The following OR5M1 variants were observed in gnomAD, a reference collection of about 807,000 sequenced individuals.
The protein encoded by OR5M1 is olfactory receptor family 5 subfamily M member 1, also known as olfactory receptor 5M1.
For synonymous variants in OR5M1, 165 were observed against 144.2 expected (o/e 1.14, Z -1.04); for missense variants, 367 against 379.5 (o/e 0.97, Z 0.27).
In OR5M1 at chr11:56,613,431, C is replaced by G. The variant is rs1853708100; in HGVS notation, c.72G>C (p.Glu24Asp). 6.2e-7 allele frequency: 1 copy of G among 1,613,652 alleles called. No homozygotes were observed. The highest frequency in any genetic ancestry group is 2.2e-5 in the East Asian group (1 of 44,872). The change falls in exon 2 of 2, where the codon GAG (glutamate) becomes GAC (aspartate). Residue 24 changes from glutamate to aspartate, a missense_variant. Transcript: ENST00000641076. ...CAAGGAATACCCCAAACAGGATCTT[C>G]TCTAGCACTGGGTCGTCTGTCAGTC... Reference protein sequence around the residue: ...LLGLTDDPVLEKILFGVFLAI... With the variant: ...LLGLTDDPVLDKILFGVFLAI...
Position 56,613,528 on chromosome 11 carries a change from G to A in OR5M1, c.-17-9C>T. 6.3e-7 allele frequency: 1 copy of A among 1,584,530 alleles called. No homozygotes were observed. Among genetic ancestry groups the A allele is most frequent in the South Asian group, 1.1e-5 (1 of 89,472 alleles). On this transcript the variant is annotated splice_polypyrimidine_tract_variant and intron_variant, in intron 1 of 1. Transcript: ENST00000641076. The stretch of plus-strand genomic sequence containing the variant: ...CTTCTTATCTCTTGAAACTGAAAGT[G>A]ACAAAGAATGTGAGGATTTCTCTCT...
rs757419543 is a variant in OR5M1 at position 56,613,436 on chromosome 11, G to A, written c.67C>T (p.Leu23=). The A allele has an allele frequency of 7.4e-6, 12 of 1,613,560 alleles. No homozygotes were observed. Among genetic ancestry groups the A allele is most frequent in the Non-Finnish European group, 9.3e-6 (11 of 1,179,668 alleles). ...ILLGLTDDPV[L]EKILFGVFLA... ...AATACCCCAAACAGGATCTTCTCTA[G>A]CACTGGGTCGTCTGTCAGTCCCAAG... is the stretch of plus-strand genomic sequence containing the variant. The change falls in exon 2 of 2, where the codon CTA becomes TTA. Residue 23 remains leucine, a synonymous_variant. Transcript: ENST00000641076.
At position 56,612,944 on chromosome 11, in the gene OR5M1, G is replaced by T. The variant is rs751716957; in HGVS notation, c.559C>A (p.Leu187Met). ...TTGACACGGGTGTCAGAGCAGGCCA[G>T]CATGATAAGAGGAGGATCAGCGCAG... ...FYCADPPLIMLACSDTRVKKM... is the reference protein window; with the variant it reads ...FYCADPPLIMMACSDTRVKKM... The change falls in exon 2 of 2, where the codon CTG (leucine) becomes ATG (methionine). Residue 187 changes from leucine (L) to methionine (M), a missense_variant. Physicochemically the swap from Leu to Met is conservative, Grantham distance 15. Transcript: ENST00000641076. The T allele has an allele frequency of 6.8e-6, 11 of 1,613,732 alleles. No homozygotes were observed. Among genetic ancestry groups the T allele is most frequent in the Non-Finnish European group, 9.3e-6 (11 of 1,179,786 alleles).
In OR5M1 at chr11:56,610,836, T is replaced by A. The variant is rs546382003; in HGVS notation, c.*1719A>T. On this transcript the variant is annotated 3_prime_UTR_variant, in exon 2 of 2. Transcript: ENST00000641076. ...TAAAAATCAATTAGAAACAGGTCAG[T>A]CATTTTGACTAAAAGGATGTCAAAG... 1 of 152,212 alleles carries A rather than the reference T, an allele frequency of 6.6e-6. No individual in the cohort carries two copies. The highest frequency in any genetic ancestry group is 1.5e-5 in the Non-Finnish European group (1 of 67,986). The allele number at this position is 152,212 out of a possible 1,614,324, so 9.4% of individuals were successfully genotyped here.
In OR5M1 at chr11:56,612,965, C is replaced by A. The variant is rs753527882; in HGVS notation, c.538G>T (p.Ala180Ser). The change falls in exon 2 of 2, where the codon GCT (alanine) becomes TCT (serine). Residue 180 changes from alanine (A) to serine (S), a missense_variant. Ala to Ser is a moderately conservative substitution (Grantham distance 99, BLOSUM62 1). Transcript: ENST00000641076. Reference protein sequence around the residue: ...GSLEINHFYCADPPLIMLACS... With the variant: ...GSLEINHFYCSDPPLIMLACS... ...GCCAGCATGATAAGAGGAGGATCAG[C>A]GCAGTAGAAATGATTGATTTCAAGG... is the stretch of plus-strand genomic sequence containing the variant. 7.4e-6 allele frequency: 12 copies of A among 1,613,512 alleles called. 1 individual carries two copies. The highest frequency in any genetic ancestry group is 1.7e-5 in the Admixed American group (1 of 59,924).
Position 56,612,725 on chromosome 11 carries a change from C to T in OR5M1, c.778G>A (p.Val260Ile), listed in dbSNP as rs375403564. ...ACAGACTTCTCTGATGGAGGCCTTA[C>T]GTACATGCAGAAGAGGGTTCCATAA... Reference protein sequence around the residue: ...LFYGTLFCMYVRPPSEKSVEE... With the variant: ...LFYGTLFCMYIRPPSEKSVEE... Residue 260 changes from valine (V) to isoleucine (I), a missense_variant, in exon 2 of 2, where the codon GTA becomes ATA. By Grantham distance (29) the Val-to-Ile change is conservative. Transcript: ENST00000641076. The T allele has an allele frequency of 2.9e-5, 47 of 1,613,742 alleles. No individual in the cohort carries two copies. In the Admixed American group the frequency reaches 3.0e-4, roughly 10 times the overall value.
At chr11:56,613,642 T>A in intron 1 of OR5M1, 123 bp from the exon 2 acceptor site, 1 of 773,590 alleles carries the variant, frequency 1.3e-6, no homozygotes, top group Non-Finnish European at 2.1e-6. Context: ...GTTTCAATAA[T>A]CACATCGGAA....
At position 56,610,918 on chromosome 11, in the gene OR5M1, T is replaced by G. The variant is rs1022596557; in HGVS notation, c.*1637A>C. 7.9e-5 allele frequency: 12 copies of G among 152,222 alleles called. No individual in the cohort carries two copies. The highest frequency in any genetic ancestry group is 2.9e-4 in the African/African-American group (12 of 41,556). 9.4% of individuals were successfully genotyped at this position (152,222 alleles called of 1,614,324 possible). ...TCTCATAACTAGAAAATAAATGGAA[T>G]CGTACAGTTATTTAGGCCAAATATA... On this transcript the variant is annotated 3_prime_UTR_variant, in exon 2 of 2. Coordinates refer to ENST00000641076, the MANE Select transcript of OR5M1 (RefSeq NM_001004740.2).
chr11:56,612,531 T>C lies in OR5M1; in HGVS notation c.*24A>G, dbSNP rs774502226. 13 of 1,546,388 alleles carry C rather than the reference T, an allele frequency of 8.4e-6. No individual in the cohort carries two copies. The highest frequency in any genetic ancestry group is 1.1e-5 in the Non-Finnish European group (13 of 1,145,246). ...GCCAGTTTGTTACTCCACAAGCAAT[T>C]CGTGACTGCAAATAAACACAAGCCT... On this transcript the variant is annotated 3_prime_UTR_variant, in exon 2 of 2. Transcript: ENST00000641076.
chr11:56,614,789 A>G (rs1853726597), intron 1 of OR5M1, 68 bp downstream of exon 1: 1 of 151,060 alleles, frequency 6.6e-6, no homozygotes, highest in Non-Finnish European at 1.5e-5. Flanking sequence ...ACACACACAC[A>G]CACACACACA....
Position 56,613,298 on chromosome 11 carries a change from C to T in OR5M1, c.205G>A (p.Val69Ile), listed in dbSNP as rs200578897. 249 of 1,613,498 alleles carry T rather than the reference C, an allele frequency of 1.5e-4. No individual in the cohort carries two copies. Among genetic ancestry groups the T allele is most frequent in the Non-Finnish European group, 2.1e-4 (242 of 1,179,672 alleles). The change falls in exon 2 of 2, where the codon GTA becomes ATA. Residue 69 changes from valine to isoleucine, a missense_variant. By Grantham distance (29) the Val-to-Ile change is conservative. Transcript: ENST00000641076. The stretch of plus-strand genomic sequence containing the variant: ...ACATTGGAAGAATAGCAAATGTCTA[C>T]AAAGGAGAGGTGGCCAAGGAAGAAA... ...MYFFLGHLSF[V>I]DICYSSNVTP...
Position 56,612,478 on chromosome 11 carries a change from G to T in OR5M1, c.*77C>A. 1 of 1,050,400 alleles carries T rather than the reference G, an allele frequency of 9.5e-7. No homozygotes were observed. Among genetic ancestry groups the T allele is most frequent in the South Asian group, 1.7e-5 (1 of 60,154 alleles). The allele number at this position is 1,050,400 out of a possible 1,614,324, so 65.1% of individuals were successfully genotyped here. On this transcript the variant is annotated 3_prime_UTR_variant, in exon 2 of 2. Transcript: ENST00000641076. ...CAGTCCATGATGTTAAATAAATCAC[G>T]ACTACACTAGGTTTTTCCATTTCAA...
rs997529679 is a variant in OR5M1, at chr11:56,613,496, A to C, written c.7T>G (p.Ser3Ala). The C allele has an allele frequency of 1.9e-6, 3 of 1,610,632 alleles. No homozygotes were observed. Among genetic ancestry groups the C allele is most frequent in the Non-Finnish European group, 1.7e-6 (2 of 1,177,370 alleles). Residue 3 changes from serine (S) to alanine (A), a missense_variant, in exon 2 of 2, where the codon TCC (serine) becomes GCC (alanine). Ser to Ala is a moderately conservative substitution (Grantham distance 99). Transcript: ENST00000641076. MF[S>A]PNHTIVTEFI... ...TCTGTCACTATGGTGTGGTTTGGGG[A>C]GAACATCTTCTTATCTCTTGAAACT...
Position 56,612,392 on chromosome 11 carries a change from T to C in OR5M1, c.*163A>G, listed in dbSNP as rs551308490. The C allele has an allele frequency of 1.3e-4, 60 of 468,158 alleles. No individual in the cohort carries two copies. The South Asian group carries it at 3.6e-3, about 28-fold the overall frequency. 29.0% of individuals were successfully genotyped at this position (468,158 alleles called of 1,614,324 possible). ...TTAAATTTCTCAACATTAAGGCTTTTATTTCTAAGAAATCAATCTTCAAGG... is the reference window on the plus strand; with the variant it reads ...TTAAATTTCTCAACATTAAGGCTTTCATTTCTAAGAAATCAATCTTCAAGG... On this transcript the variant is annotated 3_prime_UTR_variant, in exon 2 of 2. Transcript: ENST00000641076.
rs1853680131 is a variant in OR5M1, at chr11:56,611,650, A to T, written c.*905T>A. On this transcript the variant is annotated 3_prime_UTR_variant, in exon 2 of 2. Coordinates refer to ENST00000641076, the MANE Select transcript of OR5M1 (RefSeq NM_001004740.2). The stretch of plus-strand genomic sequence containing the variant: ...GATTTTCTCTATAGCAGCTTCAAGA[A>T]CTACTAGAACACCCTTATTTTAAAA... 6.6e-6 allele frequency: 1 copy of T among 152,142 alleles called. No individual in the cohort carries two copies. The highest frequency in any genetic ancestry group is 1.5e-5 in the Non-Finnish European group (1 of 68,020). 9.4% of individuals were successfully genotyped at this position (152,142 alleles called of 1,614,324 possible).
chr11:56,613,161 G>T lies in OR5M1; in HGVS notation c.342C>A (p.Ile114=), dbSNP rs1171164957. The T allele has an allele frequency of 3.1e-6, 5 of 1,613,748 alleles. No homozygotes were observed. Among genetic ancestry groups the T allele is most frequent in the Non-Finnish European group, 2.5e-6 (3 of 1,179,832 alleles). ...AGCGATCCAATGCCATTGAAGCAAG[G>T]ATGTAAAACTCAGTGATCACCAGGG... The part of the protein sequence containing the change: ...FIALVITEFY[I]LASMALDRYV... The change falls in exon 2 of 2, where the codon ATC becomes ATA. Residue 114 remains isoleucine, a synonymous_variant. Transcript: ENST00000641076.
rs1853694791 is a variant in OR5M1, at chr11:56,612,738, G to T, written c.765C>A (p.Leu255=). 1.9e-6 allele frequency: 3 copies of T among 1,613,662 alleles called. No individual in the cohort carries two copies. Among genetic ancestry groups the T allele is most frequent in the Non-Finnish European group, 2.5e-6 (3 of 1,179,800 alleles). ...ATGGAGGCCTTACGTACATGCAGAA[G>T]AGGGTTCCATAAAACAAAGTGACTA... ...LTIVTLFYGT[L]FCMYVRPPSE... Residue 255 remains leucine (L), a synonymous_variant, in exon 2 of 2, where the codon CTC becomes CTA. Transcript: ENST00000641076.
rs1853669630 is a variant in OR5M1 at position 56,610,957 on chromosome 11, A to C, written c.*1598T>G. On this transcript the variant is annotated 3_prime_UTR_variant, in exon 2 of 2. Coordinates refer to ENST00000641076, the MANE Select transcript of OR5M1 (RefSeq NM_001004740.2). Reference sequence around the variant, plus strand: ...AGGCCAAATATAGAGTATTTTTTGCACTCATTCTAAAATCCAATTTTCAAA... The same window carrying C: ...AGGCCAAATATAGAGTATTTTTTGCCCTCATTCTAAAATCCAATTTTCAAA... The C allele has an allele frequency of 6.6e-6, 1 of 152,134 alleles. No individual in the cohort carries two copies. The highest frequency in any genetic ancestry group is 1.5e-5 in the Non-Finnish European group (1 of 68,000). 9.4% of individuals were successfully genotyped at this position (152,134 alleles called of 1,614,324 possible).
chr11:56,613,415 C>A lies in OR5M1; in HGVS notation c.88G>T (p.Val30Leu). ...GTGATTAGGTAGATCGCAAGGAATA[C>A]CCCAAACAGGATCTTCTCTAGCACT... ...DPVLEKILFG[V>L]FLAIYLITLA... is the part of the protein sequence containing the mutation. The change falls in exon 2 of 2, where the codon GTA (valine) becomes TTA (leucine). Residue 30 changes from valine (V) to leucine (L), a missense_variant. Transcript: ENST00000641076. 3.1e-6 allele frequency: 5 copies of A among 1,613,618 alleles called. No homozygotes were observed. Among genetic ancestry groups the A allele is most frequent in the Non-Finnish European group, 4.2e-6 (5 of 1,179,644 alleles).
Sources: gnomAD v4.1 joint callset for allele counts on GRCh38, gnomAD v4.1.1 for gene constraint, MANE v1.5 for transcripts, NCBI Gene and HGNC (gene_info 2026-07-23, HGNC 2026-07-21) for gene names.